The following DLGAP1 variants were observed in gnomAD, a reference collection of about 807,000 sequenced individuals.
DLGAP1 encodes the protein disks large-associated protein 1.
A neutral mutation model predicts 90.8 loss-of-function variants in DLGAP1; 11 were observed. The ratio of observed to expected loss-of-function variants is 0.12; its 90% CI spans 0.08 to 0.20. The LOEUF (loss-of-function observed/expected upper bound fraction) is 0.20, where lower values mean the gene tolerates loss of function less well. Among genes scored for constraint, DLGAP1 ranks in the 10% least tolerant of loss-of-function variants. The pLI is 1.00. For missense variants in DLGAP1, 1,050 were observed against 1,333.8 expected (o/e 0.79, Z 3.31); for synonymous variants, 558 against 540.7 (o/e 1.03, Z -0.44).
At chr18:3,897,855 C>T (rs988747344) in intron 3 of DLGAP1, among the ~76,000 whole-genome samples, 5 of 139,562 alleles carry the variant, frequency 3.6e-5, no homozygotes, top group East Asian at 4.3e-4. Context: ...ACTGCAGTGG[C>T]GCAATCTCGG....
chr18:3,740,887 A>AACC (rs1197818679), intron 6 of DLGAP1, among the ~76,000 whole-genome samples: 17 of 135,522 alleles, frequency 1.3e-4, no homozygotes, highest in Admixed American at 4.4e-4. Flanking sequence ...TCACCATCAC[A>AACC]ACCACCACTG....
At chr18:4,281,865 C>T (rs114401922) in intron 1 of DLGAP1, among the ~76,000 whole-genome samples, 1 of 152,226 alleles carries the variant, frequency 6.6e-6, no homozygotes, top group African/African-American at 2.4e-5. Flanking sequence ...CTATATACTT[C>T]CTATGTTTAT....
At chr18:4,391,564 C>T (rs1233636324) in intron 1 of DLGAP1, among the ~76,000 whole-genome samples, 1 of 152,110 alleles carries the variant, frequency 6.6e-6, no homozygotes, top group African/African-American at 2.4e-5. Flanking sequence ...GTGAAGATCC[C>T]CTTAGCTTGA....
intron 7 of DLGAP1, among the ~76,000 whole-genome samples, chr18:3,617,474 C>T (rs939681966): frequency 6.6e-6 from 1 of 151,652 alleles, no homozygotes; most frequent in Non-Finnish European, 1.5e-5. Context: ...GTGGTGGGCG[C>T]CTGTAATCCC....
intron 1 of DLGAP1, among the ~76,000 whole-genome samples, chr18:4,280,342 G>A (rs577809653): frequency 8.3e-4 from 127 of 152,210 alleles, no homozygotes; most frequent in African/African-American, 3.0e-3. Context: ...GGGATACATG[G>A]ATGAACATAA....
At chr18:3,507,699 T>G (rs1480303021) in intron 11 of DLGAP1, among the ~76,000 whole-genome samples, 1 of 151,758 alleles carries the variant, frequency 6.6e-6, no homozygotes, top group African/African-American at 2.4e-5. Flanking sequence ...TAGATCCAGC[T>G]TGACCAACAA....
In DLGAP1 at chr18:3,907,943, T is replaced by C. The variant is rs75086681; in HGVS notation, c.-72-27803A>G. On this transcript the variant is annotated intron_variant, in intron 3 of 12. Transcript: ENST00000315677. Reference sequence around the variant, plus strand: ...GACAGGCTTCATGGCAGCACAATTCTGAGTTCTATGTGTTGACTGTAATTG... The same window carrying C: ...GACAGGCTTCATGGCAGCACAATTCCGAGTTCTATGTGTTGACTGTAATTG... 2.1e-3 allele frequency among the ~76,000 whole-genome samples: 319 copies of C among 152,362 alleles called. 6 individuals carry two copies. In the East Asian group the frequency reaches 0.045, roughly 21 times the overall value.
chr18:3,982,613 C>T (rs553867043), intron 3 of DLGAP1, among the ~76,000 whole-genome samples: 37 of 152,228 alleles, frequency 2.4e-4, no homozygotes, highest in African/African-American at 8.7e-4. Flanking sequence ...TTCTTATTAT[C>T]TACATGCCTG....
At chr18:4,285,699 C>G (rs1190014213) in intron 1 of DLGAP1, among the ~76,000 whole-genome samples, 1 of 152,130 alleles carries the variant, frequency 6.6e-6, no homozygotes, top group Non-Finnish European at 1.5e-5. Flanking sequence ...ACAGAAATAG[C>G]TGGATTGGTT....
intron 4 of DLGAP1, among the ~76,000 whole-genome samples, chr18:3,834,032 C>A (rs990209239): frequency 8.6e-5 from 13 of 152,038 alleles, no homozygotes; most frequent in South Asian, 4.2e-4. Context: ...ATGGGCCGGG[C>A]GTGGTGGTTC....
chr18:4,106,896 A>G (rs1435901057), intron 2 of DLGAP1, among the ~76,000 whole-genome samples: 1 of 152,238 alleles, frequency 6.6e-6, no homozygotes, highest in African/African-American at 2.4e-5. Flanking sequence ...TGCCAATTTC[A>G]GTCAATTCTT....
At chr18:3,801,967 TTTTG>T (rs142836478) in intron 5 of DLGAP1, among the ~76,000 whole-genome samples, 8,790 of 102,714 alleles carry the variant, frequency 0.086, 326 homozygotes, top group Middle Eastern at 0.2. Context: ...CCATCTGTGT[TTTTG>T]TTTGTTTGTT....
intron 1 of DLGAP1, among the ~76,000 whole-genome samples, chr18:4,176,129 G>C (rs1373715975): frequency 6.6e-6 from 1 of 151,988 alleles, no homozygotes; most frequent in African/African-American, 2.4e-5. Context: ...GTTCTCCTTG[G>C]AGAGGTCCTT....
chr18:3,578,993 C>T (rs1183031582), intron 8 of DLGAP1, among the ~76,000 whole-genome samples: 2 of 152,132 alleles, frequency 1.3e-5, no homozygotes, highest in Non-Finnish European at 2.9e-5. Flanking sequence ...AAACTTTTCT[C>T]CCCAATGGTA....
chr18:3,691,676 C>T (rs1232557320), intron 7 of DLGAP1, among the ~76,000 whole-genome samples: 1 of 152,044 alleles, frequency 6.6e-6, no homozygotes, highest in African/African-American at 2.4e-5. Flanking sequence ...CTTTGGGAGG[C>T]CAAGACAGGA....
chr18:3,864,711 TGTCTGTTATAA>T (rs2070281430), intron 4 of DLGAP1, among the ~76,000 whole-genome samples: 1 of 152,202 alleles, frequency 6.6e-6, no homozygotes, highest in Non-Finnish European at 1.5e-5. Flanking sequence ...TCTGCATTGT[TGTCTGTTATAA>T]GGATTTAATA....
chr18:4,191,913 C>T (rs2077408002), intron 1 of DLGAP1, among the ~76,000 whole-genome samples: 1 of 152,100 alleles, frequency 6.6e-6, no homozygotes. Context: ...ATCTGTCCTC[C>T]AAACCTACCA....
chr18:3,517,819 G>GAA lies in DLGAP1; in HGVS notation c.2480-9160_2480-9159dup, dbSNP rs57625422. Reference sequence around the variant, plus strand: ...GCAACAAGAGAGAAACTCTGTCTCGGAAAAAAAAAAAAAAGAAGAGAGTCA... The same window carrying GAA: ...GCAACAAGAGAGAAACTCTGTCTCGGAAAAAAAAAAAAAAAAGAAGAGAGTCA... On this transcript the variant is annotated intron_variant, in intron 10 of 12. Transcript: ENST00000315677. The surrounding 1 kb of genome is among the most constrained non-coding windows in gnomAD (Gnocchi z 4.1). Among the ~76,000 whole-genome samples the GAA allele has an allele frequency of 0.011, 1,599 of 141,808 alleles. 32 individuals are homozygous for GAA. The highest frequency in any genetic ancestry group is 0.036 in the African/African-American group (1,401 of 38,522). 93.0% of individuals were successfully genotyped at this position (141,808 alleles called of 152,430 possible).
At chr18:4,402,384 T>G (rs1265027959) in intron 1 of DLGAP1, among the ~76,000 whole-genome samples, 1 of 152,248 alleles carries the variant, frequency 6.6e-6, no homozygotes, top group Non-Finnish European at 1.5e-5. Context: ...TCTCTATTTA[T>G]ATTATTAATG....
Sources: allele counts gnomAD v4.1 joint callset (sites outside exome capture counted in the v4.1 genomes callset), GRCh38; gene constraint gnomAD v4.1.1; non-coding constraint Gnocchi (gnomAD v3.1); transcripts MANE v1.5; gene names NCBI Gene and HGNC (gene_info 2026-07-23, HGNC 2026-07-21).